Variants in FER observed in about 807,000 individuals in gnomAD.
The protein encoded by FER is FER tyrosine kinase.
In FER, 63 loss-of-function variants were observed where a neutral mutation model predicts 111.0. The observed-to-expected ratio is 0.57, with a 90% CI of 0.46 to 0.70. The LOEUF is 0.70. Among genes scored for constraint, FER ranks in the 30% least tolerant of loss-of-function variants. The pLI is 0.00. For synonymous variants in FER, 327 were observed against 313.9 expected (o/e 1.04, Z -0.44); for missense variants, 914 against 954.0 (o/e 0.96, Z 0.55).
chr5:108,783,289 A>G (rs1754305813), intron 2 of FER, among the ~76,000 whole-genome samples: 2 of 152,272 alleles, frequency 1.3e-5, no homozygotes, highest in Admixed American at 1.3e-4. Flanking sequence ...TCTTAGTTAC[A>G]TAATTTTCAT....
intron 5 of FER, among the ~76,000 whole-genome samples, chr5:108,848,143 G>T (rs969374759): frequency 6.6e-6 from 1 of 152,144 alleles, no homozygotes; most frequent in Non-Finnish European, 1.5e-5. Context: ...GCCTCCCAAA[G>T]TGTTGAGAGT....
At position 108,983,251 on chromosome 5, in the gene FER, A is replaced by G. The variant is rs60104144; in HGVS notation, c.1656+23904A>G. Among the ~76,000 whole-genome samples, 958 of 152,164 alleles carry G rather than the reference A, an allele frequency of 6.3e-3. 10 individuals are homozygous for G. The highest frequency in any genetic ancestry group is 0.021 in the African/African-American group (892 of 41,548). ...GACTTCTGAAAAAGGAATTACTAGCACAAAATTACAAAACCAATAGCATCT... is the reference window on the plus strand; with the variant it reads ...GACTTCTGAAAAAGGAATTACTAGCGCAAAATTACAAAACCAATAGCATCT... On this transcript the variant is annotated intron_variant, in intron 13 of 19. Coordinates refer to ENST00000281092, the MANE Select transcript of FER (RefSeq NM_005246.4).
At chr5:108,896,022 A>G (rs562812564) in intron 9 of FER, among the ~76,000 whole-genome samples, 45 of 151,930 alleles carry the variant, frequency 3.0e-4, no homozygotes, top group African/African-American at 1.1e-3. Flanking sequence ...TTTGAAGTAT[A>G]CCTCCCTGTT....
intron 16 of FER, among the ~76,000 whole-genome samples, chr5:109,065,856 G>C (rs1034304774): frequency 1.3e-5 from 2 of 152,146 alleles, no homozygotes; most frequent in African/African-American, 4.8e-5. Flanking sequence ...TTCAATTCCA[G>C]AGAGAATATG....
intron 17 of FER, among the ~76,000 whole-genome samples, chr5:109,161,591 A>G (rs1441723849): frequency 6.6e-6 from 1 of 152,142 alleles, no homozygotes; most frequent in Non-Finnish European, 1.5e-5. Context: ...TTACAGCTAC[A>G]TAGCATTCCA....
chr5:109,184,188 G>C (rs1758604221), intron 18 of FER, among the ~76,000 whole-genome samples: 1 of 152,056 alleles, frequency 6.6e-6, no homozygotes, highest in Non-Finnish European at 1.5e-5. Context: ...TGTCACCTGG[G>C]TATTTGGGGC....
At chr5:109,182,117 G>A (rs1048159250) in intron 18 of FER, among the ~76,000 whole-genome samples, 30 of 152,094 alleles carry the variant, frequency 2.0e-4, no homozygotes, top group African/African-American at 7.2e-4. Flanking sequence ...TCCATTGTAT[G>A]GATATACAAC....
At chr5:108,827,328 A>G (rs1165048535) in intron 3 of FER, among the ~76,000 whole-genome samples, 1 of 152,240 alleles carries the variant, frequency 6.6e-6, no homozygotes, top group Non-Finnish European at 1.5e-5. Context: ...AGCAAGGGAC[A>G]GCACAGATAA....
chr5:108,975,526 T>G (rs1054115624), intron 13 of FER, among the ~76,000 whole-genome samples: 12 of 152,086 alleles, frequency 7.9e-5, no homozygotes, highest in African/African-American at 2.7e-4. Flanking sequence ...AGGTGCCAAA[T>G]AATAACATTT....
intron 10 of FER, among the ~76,000 whole-genome samples, chr5:108,913,499 A>T (rs1751844177): frequency 6.6e-6 from 1 of 152,200 alleles, no homozygotes; most frequent in African/African-American, 2.4e-5. Flanking sequence ...TAGGCAAAGT[A>T]GAAATTTGGC....
chr5:109,089,862 G>T (rs1290386054), intron 16 of FER, among the ~76,000 whole-genome samples: 1 of 152,154 alleles, frequency 6.6e-6, no homozygotes, highest in Non-Finnish European at 1.5e-5. Flanking sequence ...GATGAAACAA[G>T]CATAGATTAG....
At chr5:108,816,793 G>A (rs1040248520) in intron 3 of FER, among the ~76,000 whole-genome samples, 4 of 151,982 alleles carry the variant, frequency 2.6e-5, no homozygotes, top group African/African-American at 9.7e-5. Flanking sequence ...GCCAATAATT[G>A]GTATTTTTAA....
At chr5:109,060,615 C>T (rs1018645962) in intron 16 of FER, among the ~76,000 whole-genome samples, 1 of 151,820 alleles carries the variant, frequency 6.6e-6, no homozygotes, top group Admixed American at 6.6e-5. Flanking sequence ...ACCCGGGAGG[C>T]GGAGGTTGCA....
At chr5:109,039,223 T>A (rs1392894684) in intron 14 of FER, among the ~76,000 whole-genome samples, 1 of 151,916 alleles carries the variant, frequency 6.6e-6, no homozygotes, top group Non-Finnish European at 1.5e-5. Flanking sequence ...GTTTTTTTTT[T>A]TGTATTCAGC....
intron 13 of FER, among the ~76,000 whole-genome samples, chr5:108,990,511 T>C (rs1318372327): frequency 6.6e-6 from 1 of 151,756 alleles, no homozygotes; most frequent in Admixed American, 6.6e-5. Context: ...TTCAAAGAAA[T>C]ATAAATGTAA....
At chr5:108,914,018 C>A (rs1158047679) in intron 10 of FER, among the ~76,000 whole-genome samples, 2 of 152,100 alleles carry the variant, frequency 1.3e-5, no homozygotes, top group Admixed American at 6.6e-5. Flanking sequence ...CTGAAAGGGG[C>A]CACACAAGAC....
Position 108,841,681 on chromosome 5 carries a change from G to A in FER, c.481+5874G>A, listed in dbSNP as rs73207542. 869 of 186,250 alleles carry A rather than the reference G, an allele frequency of 4.7e-3. 11 individuals are homozygous for A. Among genetic ancestry groups the A allele is most frequent in the African/African-American group, 0.019 (818 of 42,166 alleles). 11.5% of individuals were successfully genotyped at this position (186,250 alleles called of 1,614,324 possible). On this transcript the variant is annotated intron_variant, in intron 5 of 19. Coordinates refer to ENST00000281092, the MANE Select transcript of FER (RefSeq NM_005246.4). ...AAAAACATGAATAGTGAAGGTTTGT[G>A]TCAGGAGTAACAAAGTAGTATTTAA...
rs938390330 is a variant in FER, at chr5:109,000,016, T to C, written c.1657-37406T>C. Among the ~76,000 whole-genome samples the C allele has an allele frequency of 2.7e-5, 4 of 149,950 alleles. No individual in the cohort carries two copies. In the Admixed American group the frequency reaches 2.7e-4, roughly 10 times the overall value. On this transcript the variant is annotated intron_variant, in intron 13 of 19. Coordinates refer to ENST00000281092, the MANE Select transcript of FER (RefSeq NM_005246.4). ...TCTCTGAAAGTATTTATTTTGTTTC[T>C]GAGTCCAGCAGTTTTTTTGATTCTT... is the stretch of plus-strand genomic sequence containing the variant.
intron 11 of FER, among the ~76,000 whole-genome samples, chr5:108,952,319 G>A (rs1004546790): frequency 1.4e-5 from 2 of 139,864 alleles, no homozygotes; most frequent in South Asian, 5.1e-4. Flanking sequence ...TTTTGCTGAT[G>A]CATCCTACAT....
Sources: gnomAD v4.1 joint callset for allele counts (sites outside exome capture counted in the v4.1 genomes callset) on GRCh38, gnomAD v4.1.1 for gene constraint, MANE v1.5 for transcripts, NCBI Gene and HGNC (gene_info 2026-07-23, HGNC 2026-07-21) for gene names.